The following IL1RAPL1 variants were observed in gnomAD, a reference collection of about 807,000 sequenced individuals.
IL1RAPL1 encodes the protein interleukin-1 receptor accessory protein-like 1.
A neutral mutation model predicts 48.4 loss-of-function variants in IL1RAPL1; 3 were observed. The ratio of observed to expected loss-of-function variants is 0.06; its 90% CI spans 0.03 to 0.16. IL1RAPL1 has a LOEUF of 0.16. Among genes scored for constraint, IL1RAPL1 ranks in the 10% least tolerant of loss-of-function variants. The pLI is 1.00. For missense variants in IL1RAPL1, 349 were observed against 530.6 expected (o/e 0.66, Z 3.36); for synonymous variants, 185 against 187.7 (o/e 0.99, Z 0.12).
chrX:28,693,975 C>A (rs1449499665), intron 1 of IL1RAPL1, among the ~76,000 whole-genome samples: 2 of 112,046 alleles, frequency 1.8e-5, no homozygotes, highest in Non-Finnish European at 3.8e-5. Flanking sequence ...TTTGTCAGGG[C>A]TTCTGGGTTA....
chrX:29,484,963 A>G (rs1307456533), intron 5 of IL1RAPL1, among the ~76,000 whole-genome samples: 1 of 111,956 alleles, frequency 8.9e-6, no homozygotes, highest in African/African-American at 3.2e-5. Flanking sequence ...TACAAAATAA[A>G]TGCCTGTACA....
At chrX:29,158,931 T>TC (rs1176557881) in intron 2 of IL1RAPL1, among the ~76,000 whole-genome samples, 143 of 55,650 alleles carry the variant, frequency 2.6e-3, no homozygotes, top group Middle Eastern at 8.3e-3. Flanking sequence ...TCTCTCTCTC[T>TC]CCCCCCCCCT....
chrX:29,203,744 T>G (rs1930607864), intron 2 of IL1RAPL1, among the ~76,000 whole-genome samples: 1 of 94,729 alleles, frequency 1.1e-5, no homozygotes, highest in African/African-American at 4.4e-5. Context: ...TATATATATA[T>G]ATATATATAT....
intron 6 of IL1RAPL1, among the ~76,000 whole-genome samples, chrX:29,810,150 G>A (rs1390397755): frequency 9.4e-6 from 1 of 106,892 alleles, no homozygotes; most frequent in Admixed American, 1.0e-4. Flanking sequence ...ATACATAGCA[G>A]CACATTTCCT....
intron 2 of IL1RAPL1, among the ~76,000 whole-genome samples, chrX:28,901,687 C>A (rs1020313208): frequency 8.9e-6 from 1 of 112,098 alleles, no homozygotes; most frequent in African/African-American, 3.2e-5. Context: ...TCACTACATT[C>A]ATGAAAGTTT....
At chrX:29,393,368 G>A (rs1007082555) in intron 3 of IL1RAPL1, among the ~76,000 whole-genome samples, 1 of 111,791 alleles carries the variant, frequency 8.9e-6, no homozygotes, top group Non-Finnish European at 1.9e-5. Context: ...TGATCCGCCC[G>A]CCTCGGCCTC....
At chrX:29,102,734 A>G (rs1928368427) in intron 2 of IL1RAPL1, among the ~76,000 whole-genome samples, 1 of 111,588 alleles carries the variant, frequency 9.0e-6, no homozygotes, top group African/African-American at 3.3e-5. Flanking sequence ...GAAAACACTA[A>G]CGACTCCACA....
At chrX:29,588,111 C>A (rs1174105491) in intron 5 of IL1RAPL1, among the ~76,000 whole-genome samples, 1 of 112,370 alleles carries the variant, frequency 8.9e-6, no homozygotes, top group Non-Finnish European at 1.9e-5. Flanking sequence ...TTCTTGAGAA[C>A]CCTCAAGCCT....
intron 2 of IL1RAPL1, among the ~76,000 whole-genome samples, chrX:29,007,258 A>G (rs140681203): frequency 0.014 from 1,550 of 112,004 alleles, 27 homozygotes; most frequent in African/African-American, 0.048. Context: ...CAGTAATACT[A>G]AGATAAAATG....
chrX:29,125,247 C>T (rs1928875119), intron 2 of IL1RAPL1, among the ~76,000 whole-genome samples: 1 of 112,318 alleles, frequency 8.9e-6, no homozygotes, highest in African/African-American at 3.2e-5. Context: ...TGTTCTAACA[C>T]TGATAATTAT....
At chrX:29,467,316 G>A (rs1285843317) in intron 5 of IL1RAPL1, among the ~76,000 whole-genome samples, 3 of 112,544 alleles carry the variant, frequency 2.7e-5, no homozygotes, top group Non-Finnish European at 5.6e-5. Context: ...TAAAAGAAGT[G>A]TCCTGTGCTT....
intron 5 of IL1RAPL1, among the ~76,000 whole-genome samples, chrX:29,535,134 CAAAAAAAAAA>C (rs35842937): frequency 4.4e-4 from 10 of 22,583 alleles, no homozygotes; most frequent in African/African-American, 1.4e-3. Flanking sequence ...ACTCTGTCTC[CAAAAAAAAAA>C]AAAAAAAAAA....
At chrX:29,296,021 GGATT>G (rs1932444611) in intron 3 of IL1RAPL1, among the ~76,000 whole-genome samples, 2 of 111,588 alleles carry the variant, frequency 1.8e-5, no homozygotes, top group African/African-American at 3.3e-5. Flanking sequence ...CCTAAGATAG[GGATT>G]CCTGTGCAAG....
At chrX:29,563,742 G>A (rs1296975756) in intron 5 of IL1RAPL1, among the ~76,000 whole-genome samples, 1 of 111,752 alleles carries the variant, frequency 8.9e-6, no homozygotes, top group Admixed American at 9.5e-5. Context: ...CTTCTGAACG[G>A]TCATCTTATT....
chrX:28,690,224 T>C (rs779011663), intron 1 of IL1RAPL1, among the ~76,000 whole-genome samples: 12 of 111,896 alleles, frequency 1.1e-4, no homozygotes, highest in Admixed American at 3.8e-4. Context: ...CAGCTTGATA[T>C]AGTTCCAACT....
intron 2 of IL1RAPL1, among the ~76,000 whole-genome samples, chrX:29,024,446 G>A (rs148293020): frequency 3.1e-3 from 341 of 111,629 alleles, no homozygotes; most frequent in Admixed American, 8.5e-3. Context: ...TTCAAATTAT[G>A]ACTCTGACAT....
At chrX:29,442,164 A>G (rs1934554132) in intron 5 of IL1RAPL1, among the ~76,000 whole-genome samples, 1 of 111,875 alleles carries the variant, frequency 8.9e-6, no homozygotes, top group South Asian at 3.7e-4. Context: ...AAACTATACT[A>G]TAATGCCATA....
intron 1 of IL1RAPL1, among the ~76,000 whole-genome samples, chrX:28,699,314 G>A (rs1935269497): frequency 8.9e-6 from 1 of 112,054 alleles, no homozygotes; most frequent in African/African-American, 3.2e-5. Flanking sequence ...ACATTCAGCA[G>A]ACTGCTATGT....
intron 6 of IL1RAPL1, among the ~76,000 whole-genome samples, chrX:29,906,759 C>T (rs1932641004): frequency 9.2e-6 from 1 of 108,198 alleles, no homozygotes; most frequent in Non-Finnish European, 1.9e-5. Context: ...ACAAATTGTT[C>T]TGGACAGTTA....
Sources: gnomAD v4.1 joint callset for allele counts (sites outside exome capture counted in the v4.1 genomes callset) on GRCh38, gnomAD v4.1.1 for gene constraint, MANE v1.5 for transcripts, NCBI Gene and HGNC (gene_info 2026-07-23, HGNC 2026-07-21) for gene names.